ANKS1B: variants seen among roughly 807,000 people sequenced by gnomAD.
The protein encoded by ANKS1B is ankyrin repeat and sterile alpha motif domain containing 1B.
In ANKS1B, 36 loss-of-function variants were observed where a neutral mutation model predicts 148.3. The ratio of observed to expected loss-of-function variants is 0.24; its 90% CI spans 0.19 to 0.32. ANKS1B has a LOEUF of 0.32. Among genes scored for constraint, ANKS1B ranks in the 10% least tolerant of loss-of-function variants. The pLI, the probability that ANKS1B is intolerant of heterozygous loss-of-function variation, is 1.00. For synonymous variants in ANKS1B, 542 were observed against 560.8 expected, an observed-to-expected ratio of 0.97 and a Z score of 0.47; for missense variants, 1,157 against 1,542.6, an observed-to-expected ratio of 0.75 and a Z score of 4.19.
At chr12:99,238,356 G>A (rs560427238) in intron 14 of ANKS1B, among the ~76,000 whole-genome samples, 9 of 152,300 alleles carry the variant, frequency 5.9e-5, no homozygotes, top group South Asian at 2.1e-4. Context: ...AGGGGCATCC[G>A]TCACTGTTGA....
chr12:99,689,047 T>C (rs985364538), intron 8 of ANKS1B, among the ~76,000 whole-genome samples: 7 of 152,170 alleles, frequency 4.6e-5, no homozygotes, highest in Admixed American at 1.3e-4. Context: ...TTCCTCAAAC[T>C]GAAGAAATTT....
intron 12 of ANKS1B, among the ~76,000 whole-genome samples, chr12:99,390,759 T>G (rs975606768): frequency 6.6e-6 from 1 of 152,180 alleles, no homozygotes; most frequent in Non-Finnish European, 1.5e-5. Flanking sequence ...AAATTACGAA[T>G]GAGACCCAGA....
chr12:98,876,747 A>G (rs1197650528), intron 17 of ANKS1B, among the ~76,000 whole-genome samples: 1 of 152,238 alleles, frequency 6.6e-6, no homozygotes, highest in African/African-American at 2.4e-5. Flanking sequence ...ATCAGTAACT[A>G]TAGAGATACC....
At chr12:99,028,634 G>C (rs1468209176) in intron 17 of ANKS1B, among the ~76,000 whole-genome samples, 2 of 152,132 alleles carry the variant, frequency 1.3e-5, no homozygotes, top group Non-Finnish European at 2.9e-5. Flanking sequence ...TGAATTTCAG[G>C]ATATGGTCAC....
chr12:99,652,656 A>C (rs2098428189), intron 9 of ANKS1B, among the ~76,000 whole-genome samples: 1 of 152,200 alleles, frequency 6.6e-6, no homozygotes, highest in Non-Finnish European at 1.5e-5. Context: ...TAGTACTTAC[A>C]AAATACAGAT....
At chr12:99,777,431 A>G (rs2063760474) in intron 6 of ANKS1B, among the ~76,000 whole-genome samples, 1 of 152,232 alleles carries the variant, frequency 6.6e-6, no homozygotes. Flanking sequence ...ACTCCCATGT[A>G]ACAACATTTC....
intron 1 of ANKS1B, among the ~76,000 whole-genome samples, chr12:99,916,047 A>G (rs2094161143): frequency 3.9e-5 from 6 of 152,202 alleles, no homozygotes; most frequent in Admixed American, 3.9e-4. Flanking sequence ...ATGGTTACTC[A>G]TTACACAATT....
intron 17 of ANKS1B, among the ~76,000 whole-genome samples, chr12:98,855,942 C>T (rs1000399887): frequency 7.2e-5 from 11 of 152,284 alleles, no homozygotes; most frequent in Non-Finnish European, 1.2e-4. Context: ...CAGGTTGATG[C>T]GCTGTCTTTC....
intron 9 of ANKS1B, among the ~76,000 whole-genome samples, chr12:99,539,484 T>C (rs1198449139): frequency 6.6e-6 from 1 of 151,944 alleles, no homozygotes; most frequent in African/African-American, 2.4e-5. Flanking sequence ...AAAAAATAAC[T>C]CTTAAAAATA....
intron 12 of ANKS1B, among the ~76,000 whole-genome samples, chr12:99,261,405 T>G (rs1325063552): frequency 6.6e-6 from 1 of 152,184 alleles, no homozygotes; most frequent in African/African-American, 2.4e-5. Context: ...ATTCAAGTGC[T>G]CCAGGGCTTG....
intron 12 of ANKS1B, among the ~76,000 whole-genome samples, chr12:99,378,170 T>C (rs2093469866): frequency 6.6e-6 from 1 of 152,196 alleles, no homozygotes; most frequent in Admixed American, 6.5e-5. Flanking sequence ...AGGTCCTCCC[T>C]GTTAAACAAT....
At chr12:99,478,491 G>GT (rs1227588409) in intron 10 of ANKS1B, among the ~76,000 whole-genome samples, 4 of 152,084 alleles carry the variant, frequency 2.6e-5, no homozygotes, top group African/African-American at 9.7e-5. Context: ...CAGTTCAGAT[G>GT]TAAGAATGGC....
chr12:99,940,312 G>A (rs139678722), intron 1 of ANKS1B, among the ~76,000 whole-genome samples: 213 of 152,180 alleles, frequency 1.4e-3, no homozygotes, highest in African/African-American at 4.7e-3. Context: ...TAAATGAAAT[G>A]TACAATAATG....
chr12:98,994,251 C>T (rs554251888), intron 17 of ANKS1B, among the ~76,000 whole-genome samples: 35 of 152,190 alleles, frequency 2.3e-4, no homozygotes, highest in African/African-American at 7.7e-4. Context: ...AATTTGTGAC[C>T]TTATTAAGTT....
chr12:98,882,285 T>C (rs960038842), intron 17 of ANKS1B, among the ~76,000 whole-genome samples: 2 of 152,160 alleles, frequency 1.3e-5, no homozygotes, highest in Non-Finnish European at 2.9e-5. Context: ...ACAATCACCG[T>C]ATTAGAAACA....
At chr12:99,079,059 TAA>T (rs1364484632) in intron 16 of ANKS1B, among the ~76,000 whole-genome samples, 1 of 152,118 alleles carries the variant, frequency 6.6e-6, no homozygotes, top group Non-Finnish European at 1.5e-5. Flanking sequence ...CGAAAATCCC[TAA>T]GAGCCTGAAT....
intron 10 of ANKS1B, among the ~76,000 whole-genome samples, chr12:99,493,116 T>C (rs990660912): frequency 6.6e-6 from 1 of 152,150 alleles, no homozygotes; most frequent in Non-Finnish European, 1.5e-5. Flanking sequence ...TTGCAGACAA[T>C]ATTGCCTCTT....
At chr12:99,806,276 C>T (rs1246848960) in intron 4 of ANKS1B, 128 bp downstream of exon 4, 1 of 1,158,622 alleles carries the variant, frequency 8.6e-7, no homozygotes, top group Non-Finnish European at 1.2e-6. Context: ...GTACCTTGAA[C>T]TCAGTAGTTA....
chr12:99,338,148 G>A (rs1266516138), intron 12 of ANKS1B, among the ~76,000 whole-genome samples: 1 of 152,202 alleles, frequency 6.6e-6, no homozygotes, highest in Non-Finnish European at 1.5e-5. Flanking sequence ...GATGGGTCCA[G>A]AAATGCTGTC....
Sources: gnomAD v4.1 joint callset for allele counts (sites outside exome capture counted in the v4.1 genomes callset) on GRCh38, gnomAD v4.1.1 for gene constraint, MANE v1.5 for transcripts, NCBI Gene and HGNC (gene_info 2026-07-23, HGNC 2026-07-21) for gene names.